The following PDE4D variants were observed in gnomAD, a reference collection of about 807,000 sequenced individuals.
PDE4D encodes phosphodiesterase 4D, also known as 3',5'-cyclic-AMP phosphodiesterase 4D.
PDE4D carries 24 observed loss-of-function variants against 87.4 expected under a neutral mutation model. That is an observed-to-expected ratio of 0.27 (90% CI 0.20 to 0.39). The LOEUF is 0.39. Among genes scored for constraint, PDE4D ranks in the 10% least tolerant of loss-of-function variants. The pLI, the probability that PDE4D is intolerant of heterozygous loss-of-function variation, is 1.00. For synonymous variants in PDE4D, 384 were observed against 383.2 expected (o/e 1.00, Z -0.02); for missense variants, 714 against 1,041.0 (o/e 0.69, Z 4.32).
chr5:60,094,693 C>G (rs1054837218), intron 2 of PDE4D, among the ~76,000 whole-genome samples: 1 of 140,304 alleles, frequency 7.1e-6, no homozygotes, highest in Non-Finnish European at 1.5e-5. Flanking sequence ...AGGAAGTTGT[C>G]TATCTACAGG....
At chr5:59,900,757 G>T (rs1752174483) in intron 3 of PDE4D, among the ~76,000 whole-genome samples, 2 of 152,254 alleles carry the variant, frequency 1.3e-5, no homozygotes, top group South Asian at 4.1e-4. Context: ...TTATAAAAAT[G>T]AATCAATATG....
At chr5:59,420,414 G>A (rs1794289422) in intron 1 of PDE4D, among the ~76,000 whole-genome samples, 1 of 152,138 alleles carries the variant, frequency 6.6e-6, no homozygotes, top group Non-Finnish European at 1.5e-5. Flanking sequence ...ACTGAAGTCA[G>A]AGACAACAGC....
At chr5:60,028,119 C>A (rs1766833732) in intron 2 of PDE4D, among the ~76,000 whole-genome samples, 1 of 152,168 alleles carries the variant, frequency 6.6e-6, no homozygotes, top group Non-Finnish European at 1.5e-5. Flanking sequence ...ACTCTATTTG[C>A]CCAAATACAT....
intron 2 of PDE4D, among the ~76,000 whole-genome samples, chr5:60,062,900 C>T (rs1328058443): frequency 6.6e-6 from 1 of 151,912 alleles, no homozygotes; most frequent in Non-Finnish European, 1.5e-5. Flanking sequence ...GAACAACACA[C>T]ACCAGGGCCT....
Position 59,601,385 on chromosome 5 carries a change from T to C in PDE4D, c.455+291783A>G, listed in dbSNP as rs528990944. ...TCTGTTATTTCAGTGTGCTTGCAAC[T>C]GGGGAGCTGCTGCAGTGTGTGGTTC... On this transcript the variant is annotated intron_variant, in intron 1 of 14. Transcript: ENST00000340635. Among the ~76,000 whole-genome samples the C allele has an allele frequency of 2.7e-4, 41 of 150,186 alleles. 1 individual carries two copies. The South Asian group carries it at 3.4e-3, about 12-fold the overall frequency.
intron 1 of PDE4D, among the ~76,000 whole-genome samples, chr5:59,424,881 T>A (rs1469155314): frequency 1.3e-5 from 2 of 152,222 alleles, no homozygotes; most frequent in East Asian, 3.8e-4. Flanking sequence ...GAGCTTCACA[T>A]ACCAGGCCAA....
chr5:59,012,362 T>A (rs918335128), intron 6 of PDE4D, among the ~76,000 whole-genome samples: 1 of 152,072 alleles, frequency 6.6e-6, no homozygotes, highest in Non-Finnish European at 1.5e-5. Context: ...ACTAGCAAAT[T>A]GGATAAAGAG....
At chr5:59,332,753 G>T (rs1211917941) in intron 1 of PDE4D, among the ~76,000 whole-genome samples, 1 of 152,156 alleles carries the variant, frequency 6.6e-6, no homozygotes, top group African/African-American at 2.4e-5. Context: ...TGGCTAAAGG[G>T]CTGTAAGCTC....
Position 59,413,315 on chromosome 5 carries a change from G to A in PDE4D, c.456-197347C>T, listed in dbSNP as rs577643394. Among the ~76,000 whole-genome samples, 82 of 151,940 alleles carry A rather than the reference G, an allele frequency of 5.4e-4. 2 individuals carry two copies. In the South Asian group the frequency reaches 0.011, roughly 21 times the overall value. ...TACTAAAAATACAAAAAAATTAGCC[G>A]GGCGTAGTGGTGGGGGCCTGTAGTC... On this transcript the variant is annotated intron_variant, in intron 1 of 14. Transcript: ENST00000340635.
At chr5:59,852,326 C>T (rs1744799311) in intron 1 of PDE4D, among the ~76,000 whole-genome samples, 1 of 152,082 alleles carries the variant, frequency 6.6e-6, no homozygotes, top group Non-Finnish European at 1.5e-5. Flanking sequence ...TTGGGAATGA[C>T]ATTGTGTGAC....
intron 1 of PDE4D, among the ~76,000 whole-genome samples, chr5:59,495,569 T>C (rs1162157498): frequency 2.0e-5 from 3 of 152,046 alleles, no homozygotes; most frequent in Non-Finnish European, 4.4e-5. Context: ...TCTGAGCAGA[T>C]AGTCTAGGAG....
chr5:60,038,378 G>A (rs1438629293), intron 2 of PDE4D, among the ~76,000 whole-genome samples: 2 of 152,094 alleles, frequency 1.3e-5, no homozygotes, highest in Admixed American at 1.3e-4. Flanking sequence ...TTATTAAATA[G>A]GGAATCCTTT....
chr5:58,976,757 A>G lies in PDE4D; in HGVS notation c.1708-285T>C, dbSNP rs11952840. Among the ~76,000 whole-genome samples, 24,451 of 152,142 alleles carry G rather than the reference A, an allele frequency of 0.16. 2,093 individuals carry two copies. The highest frequency in any genetic ancestry group is 0.19 in the Admixed American group (2,892 of 15,276). Reference sequence around the variant, plus strand: ...ATGGATAAGACATCATCACAAGTTTATAAGTTTTTGAAAGCTAGAGATTTT... The same window carrying G: ...ATGGATAAGACATCATCACAAGTTTGTAAGTTTTTGAAAGCTAGAGATTTT... On this transcript the variant is annotated intron_variant, in intron 12 of 14. Coordinates refer to ENST00000340635, the MANE Select transcript of PDE4D (RefSeq NM_001104631.2).
At chr5:59,399,396 GGAACA>G (rs1418729660) in intron 1 of PDE4D, among the ~76,000 whole-genome samples, 2 of 136,968 alleles carry the variant, frequency 1.5e-5, no homozygotes, top group Non-Finnish European at 1.7e-5. Context: ...ATAGATCAAT[GGAACA>G]GAACAGAGCC....
intron 3 of PDE4D, among the ~76,000 whole-genome samples, chr5:59,923,436 C>T (rs761109056): frequency 2.6e-5 from 4 of 152,204 alleles, no homozygotes; most frequent in African/African-American, 4.8e-5. Context: ...AGGTCTGACC[C>T]AGCGCCATCC....
chr5:59,382,431 T>C (rs1786067922), intron 1 of PDE4D, among the ~76,000 whole-genome samples: 1 of 152,132 alleles, frequency 6.6e-6, no homozygotes, highest in Non-Finnish European at 1.5e-5. Flanking sequence ...AAAAGAACAA[T>C]AAATCTCAAA....
At chr5:60,471,798 C>T (rs1271156713) in intron 1 of PDE4D, among the ~76,000 whole-genome samples, 1 of 152,152 alleles carries the variant, frequency 6.6e-6, no homozygotes, top group East Asian at 1.9e-4. Flanking sequence ...ATGTAACTTA[C>T]ATACATTGGG....
At chr5:59,149,139 A>C (rs1182553941) in intron 5 of PDE4D, among the ~76,000 whole-genome samples, 2 of 152,042 alleles carry the variant, frequency 1.3e-5, no homozygotes, top group Admixed American at 1.3e-4. Flanking sequence ...TTAAACTAAC[A>C]CCCATCTTTG....
chr5:59,775,707 G>T (rs1468049100), intron 1 of PDE4D, among the ~76,000 whole-genome samples: 1 of 152,096 alleles, frequency 6.6e-6, no homozygotes, highest in East Asian at 1.9e-4. Flanking sequence ...AACGTTTGTT[G>T]TCTTTGTCCA....
Sources: allele counts gnomAD v4.1 joint callset (sites outside exome capture counted in the v4.1 genomes callset), GRCh38; gene constraint gnomAD v4.1.1; transcripts MANE v1.5; gene names NCBI Gene and HGNC (gene_info 2026-07-23, HGNC 2026-07-21).